Variants in MORN1 observed in about 807,000 individuals in gnomAD.
MORN1 encodes MORN repeat containing 1.
MORN1 carries 67 observed loss-of-function variants against 61.9 expected under a neutral mutation model. That is an observed-to-expected ratio of 1.08 (90% CI 0.89 to 1.33). MORN1 has a LOEUF of 1.33. Among genes scored for constraint, MORN1 ranks in the 40% most tolerant of loss-of-function variants. The pLI is 0.00. For missense variants in MORN1, 752 were observed against 691.2 expected (o/e 1.09, Z -0.99); for synonymous variants, 301 against 292.0 (o/e 1.03, Z -0.31).
chr1:2,324,167 C>G, intron 12 of MORN1, 24 bp from the exon 13 acceptor site: 1 of 1,584,454 alleles, frequency 6.3e-7, no homozygotes. Context: ...ACAGTGAGGC[C>G]CCTGAATGCC....
intron 13 of MORN1, chr1:2,322,827 C>T (rs770449633): frequency 2.0e-4 from 199 of 985,332 alleles, no homozygotes; most frequent in Non-Finnish European, 2.3e-4. Flanking sequence ...CCCATCTGAC[C>T]CCACTCCTGA....
chr1:2,376,945 C>A (rs1642252487), intron 6 of MORN1: 1 of 152,168 alleles, frequency 6.6e-6, no homozygotes, highest in Admixed American at 6.5e-5. Flanking sequence ...TCCTGATCCT[C>A]CTGCTGACGG....
At chr1:2,330,925 T>A (rs1334163770) in intron 12 of MORN1, among the ~76,000 whole-genome samples, 1 of 152,248 alleles carries the variant, frequency 6.6e-6, no homozygotes, top group Admixed American at 6.5e-5. Context: ...CTTCTGCAGC[T>A]GACATAATCT....
intron 3 of MORN1, 135 bp from the exon 4 acceptor site, chr1:2,387,664 T>A (rs1642537780): frequency 9.2e-6 from 6 of 651,650 alleles, no homozygotes; most frequent in Non-Finnish European, 1.7e-5. Context: ...ATCATACTAC[T>A]CAGTCTGCTT....
At chr1:2,368,737 A>C (rs1183187887) in intron 8 of MORN1, among the ~76,000 whole-genome samples, 2 of 152,150 alleles carry the variant, frequency 1.3e-5, no homozygotes, top group Non-Finnish European at 2.9e-5. Context: ...AGAAGGCACC[A>C]CTTCACACCC....
chr1:2,329,330 CT>C (rs1473185775), intron 12 of MORN1, among the ~76,000 whole-genome samples: 2 of 152,192 alleles, frequency 1.3e-5, no homozygotes, highest in Non-Finnish European at 2.9e-5. Context: ...ATTTTTCAAC[CT>C]TTAAAAGTTT....
chr1:2,332,375 C>G (rs769786894), intron 12 of MORN1: 4 of 346,040 alleles, frequency 1.2e-5, no homozygotes, highest in Non-Finnish European at 2.3e-5. Context: ...GACTGTTGCT[C>G]ACGGACTCCA....
chr1:2,334,429 C>T lies in MORN1; in HGVS notation c.1250+2040G>A, dbSNP rs916113195. 9.2e-5 allele frequency among the ~76,000 whole-genome samples: 14 copies of T among 152,302 alleles called. No individual in the cohort carries two copies. The highest frequency in any genetic ancestry group is 2.6e-4 in the African/African-American group (11 of 41,558). On this transcript the variant is annotated intron_variant, in intron 12 of 13. Transcript: ENST00000378531. The surrounding 1 kb of genome is among the most constrained non-coding windows in gnomAD (Gnocchi z 5.4). ...CCATGCTGGGTTCTCAACCCAGGAG[C>T]GGGCAGAGCTTACGGAGAGTTCCCG...
chr1:2,378,772 C>A, intron 6 of MORN1: 1 of 369,326 alleles, frequency 2.7e-6, no homozygotes, highest in South Asian at 2.0e-5. Flanking sequence ...CCTGCCCAAG[C>A]CCTCGGGTCC....
At chr1:2,343,991 C>G (rs116274382) in intron 10 of MORN1, among the ~76,000 whole-genome samples, 2,800 of 76,768 alleles carry the variant, frequency 0.036, 90 homozygotes, top group African/African-American at 0.12. Context: ...GGGCCAGGGG[C>G]AGGGTGGGGT....
At chr1:2,363,806 A>AAACAAACAAAC (rs1553217337) in intron 8 of MORN1, among the ~76,000 whole-genome samples, 35 of 69,854 alleles carry the variant, frequency 5.0e-4, no homozygotes, top group Admixed American at 1.5e-3. Flanking sequence ...ACAAACAAAC[A>AAACAAACAAAC]AAAAAATATA....
At chr1:2,380,301 C>T (rs1344775423) in intron 6 of MORN1, among the ~76,000 whole-genome samples, 1 of 152,142 alleles carries the variant, frequency 6.6e-6, no homozygotes, top group Non-Finnish European at 1.5e-5. Flanking sequence ...GTGGTTGTGG[C>T]TACACGAAAT....
At chr1:2,354,056 G>A (rs1366897648) in intron 10 of MORN1, among the ~76,000 whole-genome samples, 3 of 152,170 alleles carry the variant, frequency 2.0e-5, no homozygotes, top group Admixed American at 1.3e-4. Flanking sequence ...GGGCCAAGGC[G>A]AGCAGATCAC....
intron 8 of MORN1, among the ~76,000 whole-genome samples, chr1:2,361,914 G>C (rs755956024): frequency 7.2e-5 from 11 of 152,148 alleles, no homozygotes; most frequent in Non-Finnish European, 1.6e-4. Context: ...CTAGAAAAAA[G>C]AAAATGTTAT....
intron 8 of MORN1, among the ~76,000 whole-genome samples, chr1:2,369,398 T>C (rs1570009893): frequency 6.7e-6 from 1 of 150,112 alleles, no homozygotes; most frequent in South Asian, 2.1e-4. Context: ...TAGCAAGTAC[T>C]GAGGAGGGTG....
At chr1:2,359,286 C>T (rs1641843409) in intron 8 of MORN1, among the ~76,000 whole-genome samples, 1 of 152,198 alleles carries the variant, frequency 6.6e-6, no homozygotes. Flanking sequence ...CAGCACAGGG[C>T]CTGGCACACA....
At chr1:2,336,656 G>A (rs1641286186) in intron 11 of MORN1, 61 bp downstream of exon 11, 1 of 1,567,446 alleles carries the variant, frequency 6.4e-7, no homozygotes, top group Admixed American at 1.8e-5. Flanking sequence ...TTGAGGTGGT[G>A]GGTGGGCAGG....
At chr1:2,330,868 T>C (rs887679606) in intron 12 of MORN1, among the ~76,000 whole-genome samples, 4 of 152,224 alleles carry the variant, frequency 2.6e-5, no homozygotes, top group Admixed American at 2.0e-4. Context: ...GGAATTCTCC[T>C]GTGTGGCTGG....
chr1:2,385,540 T>G (rs1570049269), intron 5 of MORN1: 2 of 337,656 alleles, frequency 5.9e-6, no homozygotes, highest in Non-Finnish European at 1.0e-5. Flanking sequence ...TCTCAGGAGG[T>G]ATTTTAATCG....
Sources: gnomAD v4.1 joint callset for allele counts (sites outside exome capture counted in the v4.1 genomes callset) on GRCh38, gnomAD v4.1.1 for gene constraint, Gnocchi (gnomAD v3.1) non-coding constraint, MANE v1.5 for transcripts, NCBI Gene and HGNC (gene_info 2026-07-23, HGNC 2026-07-21) for gene names.